The following TMEM45B variants were observed in gnomAD, a reference collection of about 807,000 sequenced individuals.
TMEM45B encodes transmembrane protein 45B.
In TMEM45B, 29 loss-of-function variants were observed where a neutral mutation model predicts 27.3. The ratio of observed to expected loss-of-function variants is 1.06; its 90% confidence interval spans 0.79 to 1.45. The LOEUF is 1.45. TMEM45B is among the 40% of genes most tolerant of loss of function. The pLI, the probability that TMEM45B is intolerant of heterozygous loss-of-function variation, is 0.00. For synonymous variants in TMEM45B, 143 were observed against 134.7 expected (o/e 1.06, Z -0.43); for missense variants, 348 against 343.9 (o/e 1.01, Z -0.09).
chr11:129,840,642 G>C (rs1947677717), intron 1 of TMEM45B, among the ~76,000 whole-genome samples: 1 of 152,104 alleles, frequency 6.6e-6, no homozygotes. Flanking sequence ...CAGCATTTTG[G>C]GAGGCTGAGG....
At position 129,837,907 on chromosome 11, in the gene TMEM45B, G is replaced by A. The variant is rs180810299; in HGVS notation, c.-8-14568G>A. Among the ~76,000 whole-genome samples the A allele has an allele frequency of 4.1e-5, 6 of 147,502 alleles. No individual in the cohort carries two copies. In the South Asian group the frequency reaches 8.9e-4, roughly 22 times the overall value. On this transcript the variant is annotated intron_variant, in intron 1 of 5. Transcript: ENST00000281441. ...AGCTATTCTCATGCCTCAGCCTCCCGATTAGCTGGGACTACAGGTGCCCGC... is the reference window on the plus strand; with the variant it reads ...AGCTATTCTCATGCCTCAGCCTCCCAATTAGCTGGGACTACAGGTGCCCGC...
chr11:129,834,754 T>G (rs1350135483), intron 1 of TMEM45B, among the ~76,000 whole-genome samples: 2 of 149,548 alleles, frequency 1.3e-5, no homozygotes, highest in African/African-American at 5.0e-5. Flanking sequence ...GAGGTTGCAG[T>G]GAGCCAAGAT....
At chr11:129,849,050 C>T (rs745061) in intron 1 of TMEM45B, among the ~76,000 whole-genome samples, 56,788 of 152,056 alleles carry the variant, frequency 0.37, 10,863 homozygotes, top group East Asian at 0.47. Context: ...CCAGAATTCA[C>T]GTACTTCTCA....
At chr11:129,841,113 T>C (rs996104783) in intron 1 of TMEM45B, among the ~76,000 whole-genome samples, 1 of 151,682 alleles carries the variant, frequency 6.6e-6, no homozygotes, top group African/African-American at 2.4e-5. Flanking sequence ...TTCAGGCAAG[T>C]AGGAGATGGT....
chr11:129,847,186 G>A (rs1323333891), intron 1 of TMEM45B, among the ~76,000 whole-genome samples: 1 of 152,136 alleles, frequency 6.6e-6, no homozygotes, highest in Non-Finnish European at 1.5e-5. Flanking sequence ...AAAGCATTAG[G>A]TTGGTGCAAA....
intron 1 of TMEM45B, among the ~76,000 whole-genome samples, chr11:129,833,127 C>A (rs1445490766): frequency 6.6e-6 from 1 of 151,962 alleles, no homozygotes; most frequent in Non-Finnish European, 1.5e-5. Flanking sequence ...GTAGTCCCAG[C>A]TACTTGGGAG....
At chr11:129,835,125 A>G (rs1947604750) in intron 1 of TMEM45B, among the ~76,000 whole-genome samples, 2 of 152,218 alleles carry the variant, frequency 1.3e-5, no homozygotes, top group Non-Finnish European at 2.9e-5. Context: ...TGCTCATAGT[A>G]AAATATGAGA....
chr11:129,824,271 C>T (rs1434043532), intron 1 of TMEM45B, among the ~76,000 whole-genome samples: 2 of 152,174 alleles, frequency 1.3e-5, no homozygotes, highest in African/African-American at 4.8e-5. Context: ...GTCTAAACTC[C>T]CAGGGACCTG....
Position 129,854,520 on chromosome 11 carries a change from C to T in TMEM45B, c.179-90C>T, listed in dbSNP as rs543611742. 4.0e-5 allele frequency: 54 copies of T among 1,359,990 alleles called. No individual in the cohort carries two copies. The East Asian group carries it at 8.2e-4, about 21-fold the overall frequency. The allele number at this position is 1,359,990 out of a possible 1,614,324, so 84.2% of individuals were successfully genotyped here. On this transcript the variant is annotated intron_variant, in intron 2 of 5. Coordinates refer to ENST00000281441, the MANE Select transcript of TMEM45B (RefSeq NM_138788.5). ...GGCCACCCTCACCTCACCCCATCTC[C>T]GCTTCGCTCATGCCTTTGGGTTATT... is the stretch of plus-strand genomic sequence containing the variant.
chr11:129,816,168 C>T (rs1274007599), intron 1 of TMEM45B, among the ~76,000 whole-genome samples: 4 of 152,156 alleles, frequency 2.6e-5, no homozygotes, highest in Admixed American at 2.6e-4. Context: ...CTCCCACCGC[C>T]CCCGAGTGCC....
At chr11:129,840,865 C>G (rs983100815) in intron 1 of TMEM45B, among the ~76,000 whole-genome samples, 1 of 137,688 alleles carries the variant, frequency 7.3e-6, no homozygotes, top group African/African-American at 2.7e-5. Context: ...GCAACAAGAG[C>G]GAAACTCCAT....
intron 1 of TMEM45B, among the ~76,000 whole-genome samples, chr11:129,839,294 A>C (rs1453373093): frequency 1.3e-5 from 2 of 152,150 alleles, no homozygotes; most frequent in Non-Finnish European, 2.9e-5. Context: ...GAGATTCTGG[A>C]AATGAGAGTC....
rs367773009 is a variant in TMEM45B, at chr11:129,843,343, G to A, written c.-8-9132G>A. ...TATCTGCTATCGTTGCTGTTAGGGT[G>A]TAATACTCATCCCAGCTTTCCGCAT... On this transcript the variant is annotated intron_variant, in intron 1 of 5. Coordinates refer to ENST00000281441, the MANE Select transcript of TMEM45B (RefSeq NM_138788.5). 3.9e-5 allele frequency among the ~76,000 whole-genome samples: 6 copies of A among 152,316 alleles called. No individual in the cohort carries two copies. The South Asian group carries it at 1.2e-3, about 32-fold the overall frequency.
At chr11:129,822,536 T>G (rs1947431403) in intron 1 of TMEM45B, among the ~76,000 whole-genome samples, 1 of 152,216 alleles carries the variant, frequency 6.6e-6, no homozygotes, top group Admixed American at 6.5e-5. Context: ...TAGAAAGATC[T>G]CATTTCTAGC....
chr11:129,816,542 G>A (rs991363573), intron 1 of TMEM45B, among the ~76,000 whole-genome samples: 103 of 152,178 alleles, frequency 6.8e-4, no homozygotes, highest in Admixed American at 4.1e-3. Context: ...GATGTCAGGC[G>A]CAGTGGGGGA....
chr11:129,843,065 G>A (rs751597646), intron 1 of TMEM45B, among the ~76,000 whole-genome samples: 4 of 152,138 alleles, frequency 2.6e-5, no homozygotes, highest in Non-Finnish European at 5.9e-5. Context: ...TCAGCCTCCC[G>A]AGTGGCTGGA....
intron 1 of TMEM45B, among the ~76,000 whole-genome samples, chr11:129,829,904 TA>T (rs1947527645): frequency 6.6e-6 from 1 of 152,228 alleles, no homozygotes; most frequent in Non-Finnish European, 1.5e-5. Context: ...AGTAGAAAGA[TA>T]GACAAGATGC....
At chr11:129,849,333 G>GT (rs1947812160) in intron 1 of TMEM45B, among the ~76,000 whole-genome samples, 2 of 152,332 alleles carry the variant, frequency 1.3e-5, no homozygotes, top group African/African-American at 4.8e-5. Flanking sequence ...GAAGAAAGGA[G>GT]TAACAACAGG....
intron 1 of TMEM45B, among the ~76,000 whole-genome samples, chr11:129,848,405 C>G (rs1319587504): frequency 4.4e-4 from 66 of 151,672 alleles, no homozygotes; most frequent in Non-Finnish European, 8.8e-4. Context: ...CCCAGGCACT[C>G]GGCAGGCTGA....
Sources: gnomAD v4.1 joint callset for allele counts (sites outside exome capture counted in the v4.1 genomes callset) on GRCh38, gnomAD v4.1.1 for gene constraint, MANE v1.5 for transcripts, NCBI Gene and HGNC (gene_info 2026-07-23, HGNC 2026-07-21) for gene names.